VPS13C: variants seen among roughly 807,000 people sequenced by gnomAD.
VPS13C encodes the protein vacuolar protein sorting 13 homolog C.
VPS13C carries 358 observed loss-of-function variants against 456.8 expected under a neutral mutation model. The observed-to-expected ratio is 0.78, with a 90% CI of 0.72 to 0.86. VPS13C has a LOEUF of 0.86. Among genes scored for constraint, VPS13C ranks in the 40% least tolerant of loss-of-function variants. The pLI is 0.00. For missense variants in VPS13C, 4,818 were observed against 4,385.4 expected, an observed-to-expected ratio of 1.10 and a Z score of -2.79; for synonymous variants, 1,578 against 1,486.7, an observed-to-expected ratio of 1.06 and a Z score of -1.41.
At chr15:61,992,833 A>G (rs1180595024) in intron 16 of VPS13C, among the ~76,000 whole-genome samples, 3 of 152,052 alleles carry the variant, frequency 2.0e-5, no homozygotes, top group African/African-American at 7.2e-5. Flanking sequence ...CAACAATTAA[A>G]TCAAATCTTG....
At position 61,931,100 on chromosome 15, in the gene VPS13C, C is replaced by G. The variant is rs764190593; in HGVS notation, c.6028G>C (p.Ala2010Pro). The change falls in exon 50 of 85, where the codon GCA becomes CCA. Residue 2010 changes from alanine (A) to proline (P), a missense_variant. Ala to Pro is a conservative substitution (Grantham distance 27). This residue lies in a region of VPS13C where 4,552 missense variants were observed against 4,130.6 expected (regional missense o/e 1.10). Transcript: ENST00000644861. ...TCAGAGCTGACAAACCTCGATGTTG[C>G]TCTCTCAATTCCTTCTCTGAGATCA... Reference protein sequence around the residue: ...LDDLREGIERATSRMIDRKND... With the variant: ...LDDLREGIERPTSRMIDRKND... The G allele has an allele frequency of 6.2e-7, 1 of 1,613,868 alleles. No homozygotes were observed. The highest frequency in any genetic ancestry group is 1.7e-5 in the Admixed American group (1 of 59,996).
intron 21 of VPS13C, among the ~76,000 whole-genome samples, chr15:61,981,702 T>C (rs555532839): frequency 8.8e-4 from 134 of 151,544 alleles, no homozygotes; most frequent in African/African-American, 3.0e-3. Context: ...GTACTAAAAA[T>C]ACAAAAAAAA....
At chr15:62,031,910 A>C (rs2047833207) in intron 5 of VPS13C, among the ~76,000 whole-genome samples, 1 of 151,910 alleles carries the variant, frequency 6.6e-6, no homozygotes. Flanking sequence ...TCAATCACGA[A>C]AACAAATGAG....
Position 61,978,874 on chromosome 15 carries a change from C to T in VPS13C, c.2167-125G>A, listed in dbSNP as rs577475491. 3 of 799,636 alleles carry T rather than the reference C, an allele frequency of 3.8e-6. No homozygotes were observed. The African/African-American group carries it at 5.4e-5, about 14-fold the overall frequency. 49.5% of individuals were successfully genotyped at this position (799,636 alleles called of 1,614,324 possible). A position where few individuals can be genotyped will look rare whatever the true frequency, so the allele number is the denominator to read the frequency against. On this transcript the variant is annotated intron_variant, in intron 22 of 84. Transcript: ENST00000644861. ...AACCTAACAAATTGAAAATACTGCT[C>T]TTAATGAATAAACATTTTAATTTTC...
chr15:61,885,247 CTGTT>C (rs1353800666), intron 67 of VPS13C, among the ~76,000 whole-genome samples: 1 of 152,104 alleles, frequency 6.6e-6, no homozygotes, highest in African/African-American at 2.4e-5. Flanking sequence ...CACATAAGCA[CTGTT>C]TGTCTTCTAA....
chr15:62,048,071 T>G (rs1028038070), intron 1 of VPS13C, among the ~76,000 whole-genome samples: 6 of 124,248 alleles, frequency 4.8e-5, no homozygotes, highest in East Asian at 2.4e-4. Flanking sequence ...GTTTTTTGGT[T>G]TTTTTTTTTT....
Position 62,023,834 on chromosome 15 carries a change from T to TA in VPS13C, c.459dup (p.Lys154Ter), listed in dbSNP as rs1220757406. ...TTCTTAAAATGTTTTTTGTGCTTTT[T>TA]ACGTTTACGTCCTTCACAGTGGAAG... On this transcript the variant is annotated frameshift_variant, in exon 7 of 85. Coordinates refer to ENST00000644861, the MANE Select transcript of VPS13C (RefSeq NM_020821.3). LOFTEE classifies it high-confidence loss of function. 1 of 1,611,006 alleles carries TA rather than the reference T, an allele frequency of 6.2e-7. No individual in the cohort carries two copies. The highest frequency in any genetic ancestry group is 1.7e-5 in the Admixed American group (1 of 59,922).
At position 61,872,013 on chromosome 15, in the gene VPS13C, C is replaced by T. The variant is rs1356765702; in HGVS notation, c.10600G>A (p.Gly3534Arg). The change falls in exon 79 of 85, where the codon GGA becomes AGA. Residue 3534 changes from glycine to arginine, a missense_variant. Physicochemically the swap from Gly to Arg is moderately radical, Grantham distance 125 (BLOSUM62 -2). Coordinates refer to ENST00000644861, the MANE Select transcript of VPS13C (RefSeq NM_020821.3). ...CCTTCCACAGGTTTTGTTATTATTC[C>T]AGTCACTCCACCAACAACTCCCTGA... ...FLRGVVGGVTGIITKPVEGAK... is the reference protein window; with the variant it reads ...FLRGVVGGVTRIITKPVEGAK... The T allele has an allele frequency of 2.5e-6, 4 of 1,612,310 alleles. No homozygotes were observed. Among genetic ancestry groups the T allele is most frequent in the Non-Finnish European group, 3.4e-6 (4 of 1,179,148 alleles).
At position 62,041,318 on chromosome 15, in the gene VPS13C, A is replaced by T; in HGVS notation, c.187+6T>A. 1 of 1,606,376 alleles carries T rather than the reference A, an allele frequency of 6.2e-7. No individual in the cohort carries two copies. The highest frequency in any genetic ancestry group is 8.5e-7 in the Non-Finnish European group (1 of 1,177,814). On this transcript the variant is annotated splice_donor_region_variant and intron_variant, in intron 3 of 84. Transcript: ENST00000644861. ...GAATAATTCAAATGAAGACTAAAGT[A>T]CTTACCAATTTGGCCAGCCTTGACT...
rs17304010 is a variant in VPS13C, at chr15:61,962,973, A to G, written c.3332-121T>C. ...AAATTTAGCAATGTTTCAACTCCCA[A>G]TGGATAAATAAGTTGCAATATTAGA... On this transcript the variant is annotated intron_variant, in intron 32 of 84. Transcript: ENST00000644861. 259,895 of 571,754 alleles carry G rather than the reference A, an allele frequency of 0.45. 60,783 individuals are homozygous for G. The highest frequency in any genetic ancestry group is 0.59 in the Middle Eastern group (1,808 of 3,042). The allele number at this position is 571,754 out of a possible 1,614,324, so 35.4% of individuals were successfully genotyped here.
chr15:62,037,530 TGCA>T (rs2048105984), intron 3 of VPS13C, among the ~76,000 whole-genome samples: 1 of 54,244 alleles, frequency 1.8e-5, no homozygotes, highest in Non-Finnish European at 4.6e-5. Context: ...TAATAAATAA[TGCA>T]AAATTTCTTT....
At chr15:61,939,966 C>A (rs1472355256) in intron 47 of VPS13C, among the ~76,000 whole-genome samples, 2 of 151,350 alleles carry the variant, frequency 1.3e-5, no homozygotes, top group Non-Finnish European at 2.9e-5. Flanking sequence ...TGCACTCCAG[C>A]CTAGGCCACA....
chr15:61,868,503 T>TA (rs1894756834), intron 81 of VPS13C, among the ~76,000 whole-genome samples, 156 bp downstream of exon 81: 1 of 152,176 alleles, frequency 6.6e-6, no homozygotes, highest in African/African-American at 2.4e-5. Flanking sequence ...ATTTAACACA[T>TA]GCTAAAATGA....
intron 13 of VPS13C, among the ~76,000 whole-genome samples, chr15:62,010,161 G>A (rs1479685698): frequency 6.6e-6 from 1 of 151,698 alleles, no homozygotes. Context: ...CTGCACTCCA[G>A]CCTGGGCAAC....
intron 18 of VPS13C, among the ~76,000 whole-genome samples, chr15:61,985,500 G>A (rs764037881): frequency 6.6e-6 from 1 of 152,056 alleles, no homozygotes; most frequent in Non-Finnish European, 1.5e-5. Context: ...CAGGTGATCT[G>A]CCCACCTCAG....
intron 9 of VPS13C, among the ~76,000 whole-genome samples, chr15:62,015,814 G>A (rs1300375231): frequency 2.8e-4 from 38 of 138,106 alleles, no homozygotes; most frequent in African/African-American, 1.0e-3. Context: ...GGATAGCATT[G>A]GGAGATATAC....
At chr15:61,865,672 G>T in intron 81 of VPS13C, 2 of 363,364 alleles carry the variant, frequency 5.5e-6, no homozygotes, top group Non-Finnish European at 7.6e-6. Flanking sequence ...GTGTATATAT[G>T]TGTATATTTG....
chr15:61,908,281 G>C (rs2140138088), intron 65 of VPS13C, among the ~76,000 whole-genome samples: 1 of 151,500 alleles, frequency 6.6e-6, no homozygotes, highest in East Asian at 1.9e-4. Flanking sequence ...TTAAGACTAG[G>C]GAAATCTTTA....
At chr15:62,056,950 GCC>G (rs2048822916) in intron 1 of VPS13C, among the ~76,000 whole-genome samples, 1 of 152,108 alleles carries the variant, frequency 6.6e-6, no homozygotes, top group South Asian at 2.1e-4. Context: ...TCTTTACCCT[GCC>G]CCTTTTGCTT....
Sources: allele counts gnomAD v4.1 joint callset (sites outside exome capture counted in the v4.1 genomes callset), GRCh38; gene constraint gnomAD v4.1.1; regional missense constraint gnomAD v4.1.1; transcripts MANE v1.5; gene names NCBI Gene and HGNC (gene_info 2026-07-23, HGNC 2026-07-21).